The following PTPRD variants were observed in gnomAD, a reference collection of about 807,000 sequenced individuals.
PTPRD encodes the protein protein tyrosine phosphatase receptor type D.
A neutral mutation model predicts 214.5 loss-of-function variants in PTPRD; 34 were observed. That is an observed-to-expected ratio of 0.16 (90% CI 0.12 to 0.21). The LOEUF is 0.21. Among genes scored for constraint, PTPRD ranks in the 10% least tolerant of loss-of-function variants. The probability of loss-of-function intolerance (pLI) is 1.00; values close to 1 mark genes in which losing one functional copy is unlikely to be tolerated. For missense variants in PTPRD, 2,545 were observed against 2,398.7 expected, an observed-to-expected ratio of 1.06 and a Z score of -1.27; for synonymous variants, 1,128 against 845.7, an observed-to-expected ratio of 1.33 and a Z score of -5.79.
intron 2 of PTPRD, among the ~76,000 whole-genome samples, chr9:10,565,492 T>C (rs763167318): frequency 3.9e-5 from 6 of 152,066 alleles, no homozygotes; most frequent in East Asian, 1.9e-4. Context: ...GTAAAGGAAA[T>C]TGACTTTCAG....
intron 2 of PTPRD, among the ~76,000 whole-genome samples, chr9:10,415,287 G>C (rs947511298): frequency 1.3e-5 from 2 of 151,538 alleles, no homozygotes; most frequent in Non-Finnish European, 2.9e-5. Flanking sequence ...TTATTCCTCA[G>C]AGAACAAGAA....
At chr9:8,635,826 G>T (rs1340838804) in intron 13 of PTPRD, among the ~76,000 whole-genome samples, 3 of 152,076 alleles carry the variant, frequency 2.0e-5, no homozygotes, top group Non-Finnish European at 4.4e-5. Context: ...GCATGCTATT[G>T]TGTGCCCATA....
intron 3 of PTPRD, among the ~76,000 whole-genome samples, chr9:10,077,123 C>G (rs551563415): frequency 6.6e-6 from 1 of 152,110 alleles, no homozygotes; most frequent in East Asian, 1.9e-4. Flanking sequence ...TTTCCCACTC[C>G]TTATACATAG....
intron 2 of PTPRD, among the ~76,000 whole-genome samples, chr9:10,524,207 G>A (rs895195302): frequency 5.3e-5 from 8 of 152,026 alleles, no homozygotes; most frequent in African/African-American, 1.9e-4. Context: ...TGTGTTAGGA[G>A]CCGTTCAATC....
At chr9:9,495,480 C>T (rs147485975) in intron 8 of PTPRD, among the ~76,000 whole-genome samples, 163 of 152,134 alleles carry the variant, frequency 1.1e-3, no homozygotes, top group African/African-American at 3.7e-3. Flanking sequence ...AACCCTACAG[C>T]CCGCCCTGCC....
intron 14 of PTPRD, among the ~76,000 whole-genome samples, chr9:8,625,574 A>G (rs2095998494): frequency 6.6e-6 from 1 of 151,720 alleles, no homozygotes; most frequent in Non-Finnish European, 1.5e-5. Context: ...AATACAAACT[A>G]TGATCAAATT....
chr9:8,564,963 G>C (rs577475811), intron 14 of PTPRD, among the ~76,000 whole-genome samples: 1 of 152,250 alleles, frequency 6.6e-6, no homozygotes, highest in East Asian at 1.9e-4. Flanking sequence ...TGTAGCCACT[G>C]GTTGGATAAA....
intron 11 of PTPRD, among the ~76,000 whole-genome samples, chr9:8,812,654 C>G (rs531839191): frequency 1.3e-5 from 2 of 152,084 alleles, no homozygotes; most frequent in African/African-American, 4.8e-5. Flanking sequence ...TGTTGACCTT[C>G]AACCCACTGT....
At chr9:8,814,667 T>C (rs934359307) in intron 11 of PTPRD, among the ~76,000 whole-genome samples, 8 of 152,198 alleles carry the variant, frequency 5.3e-5, no homozygotes, top group Non-Finnish European at 1.2e-4. Flanking sequence ...ACAAACCATC[T>C]GTGACGTAGA....
intron 3 of PTPRD, among the ~76,000 whole-genome samples, chr9:10,036,968 C>T (rs964842300): frequency 1.3e-5 from 2 of 152,020 alleles, no homozygotes; most frequent in Non-Finnish European, 2.9e-5. Flanking sequence ...ACTGCAGCTT[C>T]AATCTCCCAG....
chr9:8,460,755 G>C (rs1422947612), intron 32 of PTPRD, among the ~76,000 whole-genome samples, 184 bp from the exon 33 acceptor site: 2 of 152,104 alleles, frequency 1.3e-5, no homozygotes, highest in East Asian at 1.9e-4. Context: ...AAGATGTTTT[G>C]TAATACAAAT....
intron 8 of PTPRD, among the ~76,000 whole-genome samples, chr9:9,440,869 G>C (rs1393735693): frequency 6.6e-6 from 1 of 152,156 alleles, no homozygotes. Flanking sequence ...CTGAGTTGGA[G>C]TTTAGAATGC....
chr9:8,430,013 G>A (rs1181637512), intron 35 of PTPRD, among the ~76,000 whole-genome samples: 4 of 152,290 alleles, frequency 2.6e-5, no homozygotes, highest in East Asian at 1.9e-4. Flanking sequence ...GGTCCAAAAT[G>A]TGACTTGTAA....
At chr9:9,565,717 T>A (rs1217664859) in intron 8 of PTPRD, among the ~76,000 whole-genome samples, 1 of 151,962 alleles carries the variant, frequency 6.6e-6, no homozygotes, top group Non-Finnish European at 1.5e-5. Context: ...AACTGTTACA[T>A]TATTATTCAT....
chr9:8,687,825 C>T (rs1012975043), intron 12 of PTPRD, among the ~76,000 whole-genome samples: 4 of 151,304 alleles, frequency 2.6e-5, no homozygotes, highest in African/African-American at 7.3e-5. Flanking sequence ...GAGAACTTTA[C>T]GTACATCAGT....
At chr9:9,999,841 A>C (rs1332398289) in intron 4 of PTPRD, among the ~76,000 whole-genome samples, 2 of 152,194 alleles carry the variant, frequency 1.3e-5, no homozygotes, top group Non-Finnish European at 2.9e-5. Context: ...GATGCACTCT[A>C]AGCTATGAAA....
chr9:9,702,795 T>A (rs2097529252), intron 7 of PTPRD, among the ~76,000 whole-genome samples: 2 of 152,156 alleles, frequency 1.3e-5, no homozygotes, highest in African/African-American at 2.4e-5. Context: ...ATACACTTAA[T>A]GGCTAGCTTA....
chr9:10,527,123 T>A (rs930282398), intron 2 of PTPRD, among the ~76,000 whole-genome samples: 9 of 152,162 alleles, frequency 5.9e-5, no homozygotes, highest in Non-Finnish European at 2.9e-5. Flanking sequence ...AAAGAGTTAT[T>A]TATCACCAGG....
At chr9:9,674,734 T>A (rs1050415057) in intron 7 of PTPRD, among the ~76,000 whole-genome samples, 24 of 151,812 alleles carry the variant, frequency 1.6e-4, no homozygotes, top group African/African-American at 5.8e-4. Flanking sequence ...TACATTATGA[T>A]AAAATATTTG....
Sources: gnomAD v4.1 joint callset for allele counts (sites outside exome capture counted in the v4.1 genomes callset) on GRCh38, gnomAD v4.1.1 for gene constraint, MANE v1.5 for transcripts, NCBI Gene and HGNC (gene_info 2026-07-23, HGNC 2026-07-21) for gene names.